Variants in ESR1 observed in about 807,000 individuals in gnomAD.
ESR1 encodes estrogen receptor 1.
ESR1 carries 12 observed loss-of-function variants against 52.7 expected under a neutral mutation model. The ratio of observed to expected loss-of-function variants is 0.23; its 90% CI spans 0.15 to 0.37. The LOEUF (loss-of-function observed/expected upper bound fraction) is 0.37, where lower values mean the gene tolerates loss of function less well. Among genes scored for constraint, ESR1 ranks in the 10% least tolerant of loss-of-function variants. The probability of loss-of-function intolerance (pLI) is 1.00; values close to 1 mark genes in which losing one functional copy is unlikely to be tolerated. For missense variants in ESR1, 584 were observed against 779.7 expected (o/e 0.75, Z 2.99); for synonymous variants, 305 against 316.8 (o/e 0.96, Z 0.39).
chr6:151,919,359 C>G (rs2031102349), intron 3 of ESR1, among the ~76,000 whole-genome samples: 2 of 151,950 alleles, frequency 1.3e-5, no homozygotes, highest in Non-Finnish European at 2.9e-5. Flanking sequence ...TTTCCTTTTT[C>G]ATTTAAAGAA....
At chr6:151,901,424 A>C (rs191389070) in intron 3 of ESR1, among the ~76,000 whole-genome samples, 7 of 152,096 alleles carry the variant, frequency 4.6e-5, no homozygotes. Context: ...TCTGTACACC[A>C]AATTCACTCC....
At chr6:151,787,141 T>A (rs551120117) in intron 2 of ESR1, among the ~76,000 whole-genome samples, 1 of 152,300 alleles carries the variant, frequency 6.6e-6, no homozygotes, top group South Asian at 2.1e-4. Context: ...TTGTCAAAGA[T>A]CAGATAGTTG....
intron 1 of ESR1, among the ~76,000 whole-genome samples, chr6:151,678,965 A>G (rs367967594): frequency 1.3e-5 from 2 of 152,150 alleles, no homozygotes; most frequent in Non-Finnish European, 1.5e-5. Context: ...AATTACAGGC[A>G]TGAGCCACCA....
intron 3 of ESR1, among the ~76,000 whole-genome samples, chr6:151,897,226 GTTTC>G (rs890725338): frequency 2.0e-5 from 3 of 152,092 alleles, no homozygotes; most frequent in Non-Finnish European, 4.4e-5. Context: ...TAAATCCATT[GTTTC>G]TTTGTTGACT....
chr6:151,914,662 A>T (rs1429691843), intron 3 of ESR1, among the ~76,000 whole-genome samples: 2 of 152,202 alleles, frequency 1.3e-5, no homozygotes, highest in African/African-American at 4.8e-5. Context: ...ATCTTTTGTC[A>T]GTCCCTAGTG....
Position 152,075,684 on chromosome 6 carries a change from C to A in ESR1, c.1369+14560C>A, listed in dbSNP as rs370280580. Among the ~76,000 whole-genome samples the A allele has an allele frequency of 1.2e-3, 186 of 152,288 alleles. 5 individuals carry two copies. The South Asian group carries it at 0.023, about 19-fold the overall frequency. On this transcript the variant is annotated intron_variant, in intron 6 of 7. Transcript: ENST00000206249. ...TGGCTCATGTGATACATTTGCAAAC[C>A]AGAACCAAGATGATATGACTCTCAT...
intron 2 of ESR1, among the ~76,000 whole-genome samples, chr6:151,778,317 G>T (rs1019461109): frequency 1.3e-5 from 2 of 152,124 alleles, no homozygotes; most frequent in Non-Finnish European, 2.9e-5. Context: ...GATGGACAAT[G>T]GTGATGGCTG....
At chr6:151,832,719 A>G (rs1782642996) in intron 1 of ESR1, among the ~76,000 whole-genome samples, 1 of 152,182 alleles carries the variant, frequency 6.6e-6, no homozygotes, top group South Asian at 2.1e-4. Context: ...TCTGTCTGAA[A>G]AGTGCGATTC....
At chr6:151,698,132 G>A (rs920851368) in intron 1 of ESR1, among the ~76,000 whole-genome samples, 30 of 151,822 alleles carry the variant, frequency 2.0e-4, no homozygotes, top group African/African-American at 6.3e-4. Context: ...TTGGGAGGCC[G>A]AGGTGGGTGA....
chr6:152,020,618 T>C (rs1359040239), intron 5 of ESR1, among the ~76,000 whole-genome samples: 1 of 152,072 alleles, frequency 6.6e-6, no homozygotes, highest in Non-Finnish European at 1.5e-5. Flanking sequence ...GCCTGGCTAA[T>C]TTTTGCATTT....
chr6:151,663,150 C>T (rs1452007970), intron 1 of ESR1, among the ~76,000 whole-genome samples: 1 of 152,184 alleles, frequency 6.6e-6, no homozygotes, highest in Non-Finnish European at 1.5e-5. Flanking sequence ...TATTTAATCG[C>T]ATGTGATAAC....
exon 7 of ESR1, chr6:152,128,205 A>G (rs538285173): frequency 2.4e-4 from 36 of 152,352 alleles, no homozygotes; most frequent in African/African-American, 8.4e-4. Context: ...CAGCTAGACC[A>G]TCATAAGCAT....
At chr6:151,786,511 C>T (rs553140279) in intron 2 of ESR1, among the ~76,000 whole-genome samples, 192 of 152,208 alleles carry the variant, frequency 1.3e-3, no homozygotes, top group African/African-American at 4.4e-3. Context: ...CATTTTCTCC[C>T]GATTTCACGC....
chr6:151,965,671 A>T (rs2038189417), intron 4 of ESR1, among the ~76,000 whole-genome samples: 1 of 152,080 alleles, frequency 6.6e-6, no homozygotes, highest in Non-Finnish European at 1.5e-5. Flanking sequence ...ATATACCTAT[A>T]ATAAACCTAT....
chr6:152,062,948 T>A (rs2047664622), intron 6 of ESR1, among the ~76,000 whole-genome samples: 1 of 152,196 alleles, frequency 6.6e-6, no homozygotes, highest in Non-Finnish European at 1.5e-5. Flanking sequence ...AGTGAGTTTT[T>A]AAAACTATTA....
At position 151,987,052 on chromosome 6, in the gene ESR1, C is replaced by G. The variant is rs192920105; in HGVS notation, c.1097-24604C>G. Among the ~76,000 whole-genome samples, 15 of 152,078 alleles carry G rather than the reference C, an allele frequency of 9.9e-5. No individual in the cohort carries two copies. In the East Asian group the frequency reaches 2.5e-3, roughly 25 times the overall value. ...CAGGGAAGGATTCCTACTCTGAGAC[C>G]TTGGTCTTTTCCAGGCAGATCACTT... On this transcript the variant is annotated intron_variant, in intron 4 of 7. Coordinates refer to ENST00000206249, the MANE Select transcript of ESR1 (RefSeq NM_000125.4).
intron 6 of ESR1, among the ~76,000 whole-genome samples, chr6:152,124,963 C>T (rs1459765901): frequency 1.3e-5 from 2 of 152,124 alleles, no homozygotes; most frequent in Non-Finnish European, 2.9e-5. Flanking sequence ...CAGTCCTCTG[C>T]GGTGTGTACT....
chr6:151,796,947 A>G lies in ESR1; in HGVS notation c.-70-10896A>G, dbSNP rs540965079. 2.0e-5 allele frequency among the ~76,000 whole-genome samples: 3 copies of G among 152,262 alleles called. No homozygotes were observed. The South Asian group carries it at 6.2e-4, about 32-fold the overall frequency. ...TGGCCAACCACCTTCCTCCCAACCT[A>G]TACGTTGGGGTGATCCACTACAAAG... On this transcript the variant is annotated intron_variant, in intron 2 of 2. Transcript: ENST00000404742.
At chr6:152,011,916 C>G in intron 5 of ESR1, 122 bp downstream of exon 5, 1 of 1,050,004 alleles carries the variant, frequency 9.5e-7, no homozygotes, top group Non-Finnish European at 1.4e-6. Context: ...GTTTACTTAA[C>G]AAAAGAGTGC....
Sources: gnomAD v4.1 joint callset for allele counts (sites outside exome capture counted in the v4.1 genomes callset) on GRCh38, gnomAD v4.1.1 for gene constraint, MANE v1.5 for transcripts, NCBI Gene and HGNC (gene_info 2026-07-23, HGNC 2026-07-21) for gene names.